IMMP2L: variants seen among roughly 807,000 people sequenced by gnomAD.
IMMP2L encodes the protein inner mitochondrial membrane peptidase subunit 2, also known as mitochondrial inner membrane protease subunit 2.
IMMP2L carries 18 observed loss-of-function variants against 19.3 expected under a neutral mutation model. The ratio of observed to expected loss-of-function variants is 0.93; its 90% CI spans 0.64 to 1.38. IMMP2L has a LOEUF of 1.38. IMMP2L is among the 40% of genes most tolerant of loss of function. IMMP2L has a pLI of 0.00. For missense variants in IMMP2L, 233 were observed against 218.2 expected, an observed-to-expected ratio of 1.07 and a Z score of -0.43; for synonymous variants, 76 against 73.0, an observed-to-expected ratio of 1.04 and a Z score of -0.21.
intron 4 of IMMP2L, among the ~76,000 whole-genome samples, chr7:110,913,636 A>C (rs1263785990): frequency 6.6e-6 from 1 of 152,170 alleles, no homozygotes; most frequent in Non-Finnish European, 1.5e-5. Context: ...ATTTCTCAAC[A>C]TAAGCTCCAT....
At chr7:110,893,654 G>C (rs1467487784) in intron 4 of IMMP2L, among the ~76,000 whole-genome samples, 1 of 152,062 alleles carries the variant, frequency 6.6e-6, no homozygotes, top group East Asian at 1.9e-4. Context: ...GCTGAGGTTT[G>C]AGATGTGAAT....
chr7:110,741,205 T>C (rs1796968394), intron 5 of IMMP2L, among the ~76,000 whole-genome samples: 1 of 152,204 alleles, frequency 6.6e-6, no homozygotes, highest in Non-Finnish European at 1.5e-5. Flanking sequence ...ACTTTGAAAC[T>C]ATTATTCTAA....
Position 111,234,301 on chromosome 7 carries a change from T to C in IMMP2L, c.239+252937A>G, listed in dbSNP as rs190631490. Among the ~76,000 whole-genome samples the C allele has an allele frequency of 1.3e-3, 194 of 152,262 alleles. 1 individual carries two copies. The highest frequency in any genetic ancestry group is 4.3e-3 in the African/African-American group (178 of 41,572). ...GATAATATTCTTTGTATGATACAGATGCCAGTTACACCAGATTCATAGGGT... is the reference window on the plus strand; with the variant it reads ...GATAATATTCTTTGTATGATACAGACGCCAGTTACACCAGATTCATAGGGT... On this transcript the variant is annotated intron_variant, in intron 3 of 5. Transcript: ENST00000405709.
chr7:111,075,816 C>T (rs1795356444), intron 3 of IMMP2L, among the ~76,000 whole-genome samples: 2 of 152,166 alleles, frequency 1.3e-5, no homozygotes, highest in South Asian at 2.1e-4. Flanking sequence ...CTCTGAGCTC[C>T]ATGCTTTTAT....
At chr7:110,729,973 C>T (rs1796147174) in intron 5 of IMMP2L, among the ~76,000 whole-genome samples, 1 of 151,358 alleles carries the variant, frequency 6.6e-6, no homozygotes, top group Non-Finnish European at 1.5e-5. Context: ...TATGAAGAAG[C>T]AATTCTTCTT....
At chr7:110,865,312 G>A (rs751101502) in intron 5 of IMMP2L, among the ~76,000 whole-genome samples, 5 of 151,838 alleles carry the variant, frequency 3.3e-5, no homozygotes, top group African/African-American at 7.3e-5. Flanking sequence ...AAATTAAGAC[G>A]GACTTTTCTG....
At position 110,870,622 on chromosome 7, in the gene IMMP2L, G is replaced by C. The variant is rs966347006; in HGVS notation, c.408+15971C>G. Reference sequence around the variant, plus strand: ...AGATGCACAGAAAAAACTCTTCCCTGAAGTGGGGAAAATAAAGAGCCAACC... The same window carrying C: ...AGATGCACAGAAAAAACTCTTCCCTCAAGTGGGGAAAATAAAGAGCCAACC... On this transcript the variant is annotated intron_variant, in intron 5 of 5. Transcript: ENST00000405709. The surrounding 1 kb of genome is among the most constrained non-coding windows in gnomAD (Gnocchi z 4.2). Among the ~76,000 whole-genome samples the C allele has an allele frequency of 8.5e-5, 13 of 152,238 alleles. No individual in the cohort carries two copies. Among genetic ancestry groups the C allele is most frequent in the Middle Eastern group, 3.4e-3 (1 of 294 alleles).
intron 3 of IMMP2L, among the ~76,000 whole-genome samples, chr7:111,442,123 C>T (rs1188133658): frequency 9.3e-5 from 14 of 151,262 alleles, no homozygotes; most frequent in African/African-American, 2.7e-4. Context: ...GCTGACAGAG[C>T]GAGACTCCAT....
Position 110,886,622 on chromosome 7 carries a change from G to C in IMMP2L, c.379C>G (p.His127Asp). 1 of 1,604,692 alleles carries C rather than the reference G, an allele frequency of 6.2e-7. No homozygotes were observed. Among genetic ancestry groups the C allele is most frequent in the Non-Finnish European group, 8.5e-7 (1 of 1,171,598 alleles). Residue 127 changes from histidine (H) to aspartate (D), a missense_variant, in exon 5 of 6, where the codon CAC becomes GAC. Transcript: ENST00000405709. ...CCAAAAGAATTACTGTCAAAACTGT[G>C]TCCATGATGATCACCTTCAACCCAG... ...HIWVEGDHHG[H>D]SFDSNSFGPV...
At chr7:111,429,433 C>T (rs942642821) in intron 3 of IMMP2L, among the ~76,000 whole-genome samples, 8 of 151,796 alleles carry the variant, frequency 5.3e-5, no homozygotes, top group Non-Finnish European at 1.2e-4. Context: ...AACAAACAAG[C>T]TTTCCACACA....
chr7:110,931,667 T>C (rs1345606208), intron 4 of IMMP2L, among the ~76,000 whole-genome samples: 2 of 152,018 alleles, frequency 1.3e-5, no homozygotes, highest in African/African-American at 4.8e-5. Context: ...CCCACACTGG[T>C]GCCAATGATC....
chr7:111,526,097 A>T (rs1445369114), intron 1 of IMMP2L, among the ~76,000 whole-genome samples: 2 of 152,332 alleles, frequency 1.3e-5, no homozygotes, highest in South Asian at 4.1e-4. Context: ...AGAAACTAAA[A>T]TAAGTTCAGT....
chr7:110,830,332 T>C (rs979430198), intron 5 of IMMP2L, among the ~76,000 whole-genome samples: 15 of 152,086 alleles, frequency 9.9e-5, no homozygotes, highest in African/African-American at 3.6e-4. Context: ...CTCCAAAGGC[T>C]GTGGCTAGGA....
intron 1 of IMMP2L, among the ~76,000 whole-genome samples, chr7:111,527,423 G>GC (rs981193283): frequency 2.9e-5 from 1 of 33,910 alleles, no homozygotes; most frequent in African/African-American, 7.4e-5. Flanking sequence ...TCTCCAAAAA[G>GC]GGGGGGGGGG....
chr7:111,320,027 A>T (rs56306737), intron 3 of IMMP2L, among the ~76,000 whole-genome samples: 1 of 152,172 alleles, frequency 6.6e-6, no homozygotes, highest in Non-Finnish European at 1.5e-5. Flanking sequence ...CTTTAAAAAA[A>T]ATCTTCATCC....
chr7:111,133,867 C>A (rs1802077278), intron 3 of IMMP2L, among the ~76,000 whole-genome samples: 2 of 151,968 alleles, frequency 1.3e-5, no homozygotes, highest in South Asian at 4.2e-4. Context: ...GAAACAAACA[C>A]CCTTTATCTT....
intron 5 of IMMP2L, among the ~76,000 whole-genome samples, chr7:110,880,847 T>C (rs799616): frequency 0.58 from 88,658 of 151,878 alleles, 27,064 homozygotes; most frequent in East Asian, 0.84. Context: ...ACAGTATCTG[T>C]GATAGCAATG....
chr7:111,316,452 G>A (rs1824090625), intron 3 of IMMP2L, among the ~76,000 whole-genome samples: 1 of 152,090 alleles, frequency 6.6e-6, no homozygotes, highest in Non-Finnish European at 1.5e-5. Flanking sequence ...ATGATTTAGG[G>A]ATGAATACAT....
intron 5 of IMMP2L, among the ~76,000 whole-genome samples, chr7:110,843,418 G>A (rs368818848): frequency 6.6e-6 from 1 of 152,048 alleles, no homozygotes; most frequent in Admixed American, 6.6e-5. Context: ...AGTCAACAAA[G>A]TAGTATACTT....
Sources: allele counts gnomAD v4.1 joint callset (sites outside exome capture counted in the v4.1 genomes callset), GRCh38; gene constraint gnomAD v4.1.1; non-coding constraint Gnocchi (gnomAD v3.1); transcripts MANE v1.5; gene names NCBI Gene and HGNC (gene_info 2026-07-23, HGNC 2026-07-21).